Variants in SCEL observed in about 807,000 individuals in gnomAD.
SCEL encodes the protein sciellin.
SCEL carries 113 observed loss-of-function variants against 117.6 expected under a neutral mutation model. That is an observed-to-expected ratio of 0.96 (90% CI 0.83 to 1.12). The LOEUF is 1.12. Among genes scored for constraint, SCEL ranks in the 50% most tolerant of loss-of-function variants. SCEL has a pLI of 0.00. For missense variants in SCEL, 785 were observed against 810.8 expected (o/e 0.97, Z 0.39); for synonymous variants, 270 against 256.2 (o/e 1.05, Z -0.51).
chr13:77,624,021 G>A (rs1594156838), intron 27 of SCEL, among the ~76,000 whole-genome samples: 2 of 152,128 alleles, frequency 1.3e-5, no homozygotes, highest in South Asian at 2.1e-4. Flanking sequence ...TTCCTTCCAC[G>A]GAGTTGGTTC....
chr13:77,589,125 G>A lies in SCEL; in HGVS notation c.546-19G>A, dbSNP rs190674804. 245 of 1,575,628 alleles carry A rather than the reference G, an allele frequency of 1.6e-4. 2 individuals carry two copies. The East Asian group carries it at 5.2e-3, about 33-fold the overall frequency. ...CCATGTTTCCATGGTGAAATGAACT[G>A]CTGTTTTCTGTTTTAAAGGGAACCA... On this transcript the variant is annotated intron_variant, in intron 9 of 32. Coordinates refer to ENST00000349847, the MANE Select transcript of SCEL (RefSeq NM_144777.3).
intron 31 of SCEL, 72 bp downstream of exon 31, chr13:77,640,856 G>A (rs569577190): frequency 2.1e-5 from 16 of 773,432 alleles, no homozygotes; most frequent in Admixed American, 1.7e-4. Flanking sequence ...ATAATTTAAT[G>A]TAATACATGA....
chr13:77,591,317 T>A (rs1229004460), intron 10 of SCEL, 78 bp from the exon 11 acceptor site: 5 of 887,914 alleles, frequency 5.6e-6, no homozygotes, highest in East Asian at 5.3e-5. Context: ...TGTACATAAA[T>A]TTTTTAAAAT....
intron 9 of SCEL, among the ~76,000 whole-genome samples, chr13:77,577,140 C>T (rs965684549): frequency 1.3e-5 from 2 of 152,144 alleles, no homozygotes; most frequent in Non-Finnish European, 2.9e-5. Context: ...CTTTCTCTTA[C>T]CTGATTACGC....
intron 9 of SCEL, among the ~76,000 whole-genome samples, chr13:77,577,253 G>C (rs1345028943): frequency 2.6e-5 from 4 of 152,274 alleles, no homozygotes; most frequent in South Asian, 2.1e-4. Flanking sequence ...ACCTGACACT[G>C]GGTAATTCAT....
chr13:77,545,180 C>A (rs1333999388), intron 1 of SCEL, among the ~76,000 whole-genome samples: 2 of 152,188 alleles, frequency 1.3e-5, no homozygotes, highest in Non-Finnish European at 2.9e-5. Context: ...CTGGCAACAG[C>A]CTTTTGAAAA....
At chr13:77,634,261 G>T in intron 28 of SCEL, 118 bp from the exon 29 acceptor site, 4 of 882,238 alleles carry the variant, frequency 4.5e-6, no homozygotes, top group Non-Finnish European at 5.3e-6. Flanking sequence ...ATGTTTCAAA[G>T]TTATAGTTCA....
intron 21 of SCEL, among the ~76,000 whole-genome samples, chr13:77,609,753 A>G (rs1027795557): frequency 6.6e-6 from 1 of 152,180 alleles, no homozygotes; most frequent in East Asian, 1.9e-4. Context: ...TTCCTATGTC[A>G]TAGGATTGAT....
At chr13:77,579,651 G>A (rs1292146532) in intron 9 of SCEL, among the ~76,000 whole-genome samples, 1 of 152,196 alleles carries the variant, frequency 6.6e-6, no homozygotes, top group Non-Finnish European at 1.5e-5. Context: ...CCTCATCAAG[G>A]GAGGGTCCTT....
chr13:77,557,135 T>C (rs763381247), intron 3 of SCEL, among the ~76,000 whole-genome samples: 11 of 152,246 alleles, frequency 7.2e-5, no homozygotes, highest in Non-Finnish European at 1.6e-4. Flanking sequence ...TTTTGGTATG[T>C]ACAAGAGAAA....
Position 77,587,434 on chromosome 13 carries a change from G to A in SCEL, c.546-1710G>A, listed in dbSNP as rs2154399670. Among the ~76,000 whole-genome samples, 2 of 152,178 alleles carry A rather than the reference G, an allele frequency of 1.3e-5. 1 individual carries two copies. The highest frequency in any genetic ancestry group is 4.1e-4 in the South Asian group (2 of 4,822). On this transcript the variant is annotated intron_variant, in intron 9 of 32. Coordinates refer to ENST00000349847, the MANE Select transcript of SCEL (RefSeq NM_144777.3). ...CCTTCCTCGATCCATCAGCCTCGAA[G>A]TAGCTACCCATTTCTGTCTTCCTAC...
chr13:77,555,889 C>G lies in SCEL; in HGVS notation c.14C>G (p.Thr5Ser), dbSNP rs774061630. The G allele has an allele frequency of 2.5e-6, 4 of 1,613,218 alleles. No homozygotes were observed. Among genetic ancestry groups the G allele is most frequent in the Non-Finnish European group, 3.4e-6 (4 of 1,179,378 alleles). The change falls in exon 2 of 33, where the codon ACC becomes AGC. Residue 5 changes from threonine (T) to serine (S), a missense_variant. Transcript: ENST00000349847. Reference sequence around the variant, plus strand: ...CTGGAAGGCAGCATGTCCAATGTTACCTTGAGAAAAATGTCTCCCACAGGA... The same window carrying G: ...CTGGAAGGCAGCATGTCCAATGTTAGCTTGAGAAAAATGTCTCCCACAGGA... MSNV[T>S]LRKMSPTGNE...
chr13:77,637,194 GGTGA>G lies in SCEL; in HGVS notation c.1838+3_1838+6del, dbSNP rs760784705. The G allele has an allele frequency of 1.3e-6, 2 of 1,502,604 alleles. No individual in the cohort carries two copies. The highest frequency in any genetic ancestry group is 2.5e-5 in the East Asian group (1 of 40,582). 93.1% of individuals were successfully genotyped at this position (1,502,604 alleles called of 1,614,324 possible). ...CAAACTGTTTATTCAACTTCTGATA[GGTGA>G]GTATGTCTTTATTTCCATACATAAA... On this transcript the variant is annotated splice_donor_variant and splice_donor_region_variant and intron_variant, in intron 30 of 32. Coordinates refer to ENST00000349847, the MANE Select transcript of SCEL (RefSeq NM_144777.3). LOFTEE classifies it high-confidence loss of function.
intron 7 of SCEL, 145 bp downstream of exon 7, chr13:77,568,478 G>A: frequency 1.9e-6 from 1 of 540,206 alleles, no homozygotes; most frequent in Non-Finnish European, 3.2e-6. Context: ...ATACCAAAAT[G>A]GTCTGTAAAG....
chr13:77,550,246 T>C (rs1244119421), intron 1 of SCEL, among the ~76,000 whole-genome samples: 1 of 151,684 alleles, frequency 6.6e-6, no homozygotes, highest in African/African-American at 2.4e-5. Flanking sequence ...ATTAGCCAGA[T>C]GTGGTGGCAC....
chr13:77,559,888 A>C (rs1427467885), intron 4 of SCEL, 25 bp downstream of exon 4: 1 of 1,591,864 alleles, frequency 6.3e-7, no homozygotes, highest in Non-Finnish European at 8.6e-7. Flanking sequence ...ATGTTACATC[A>C]TGAGCAGAAA....
Position 77,580,997 on chromosome 13 carries a change from T to C in SCEL, c.546-8147T>C, listed in dbSNP as rs1374913141. 3.3e-5 allele frequency among the ~76,000 whole-genome samples: 5 copies of C among 152,234 alleles called. No homozygotes were observed. In the East Asian group the frequency reaches 9.6e-4, roughly 29 times the overall value. On this transcript the variant is annotated intron_variant, in intron 9 of 32. Transcript: ENST00000349847. ...TGCACTACAGTTATATTTTTCTGTC[T>C]GTAACTATAAATGGTAAAATGTAAC...
At chr13:77,604,982 A>G (rs1336014761) in intron 19 of SCEL, among the ~76,000 whole-genome samples, 1 of 151,966 alleles carries the variant, frequency 6.6e-6, no homozygotes, top group Non-Finnish European at 1.5e-5. Flanking sequence ...ATGTGCATGT[A>G]GTGTGGTGTG....
At chr13:77,630,651 G>T (rs1005611663) in intron 28 of SCEL, among the ~76,000 whole-genome samples, 1 of 152,124 alleles carries the variant, frequency 6.6e-6, no homozygotes, top group South Asian at 2.1e-4. Context: ...ATTCTCACAC[G>T]CAGTGTATGA....
Sources: gnomAD v4.1 joint callset for allele counts (sites outside exome capture counted in the v4.1 genomes callset) on GRCh38, gnomAD v4.1.1 for gene constraint, MANE v1.5 for transcripts, NCBI Gene and HGNC (gene_info 2026-07-23, HGNC 2026-07-21) for gene names.